ASIC2: variants seen among roughly 807,000 people sequenced by gnomAD.
ASIC2 encodes acid sensing ion channel subunit 2.
Under a neutral mutation model 57.3 loss-of-function variants are expected in ASIC2, and 25 were observed. The ratio of observed to expected loss-of-function variants is 0.44; its 90% confidence interval spans 0.32 to 0.61. The LOEUF is 0.61. ASIC2 is among the 20% of genes least tolerant of loss of function. ASIC2 has a pLI of 0.06. For missense variants in ASIC2, 641 were observed against 738.1 expected, an observed-to-expected ratio of 0.87 and a Z score of 1.52; for synonymous variants, 319 against 307.5, an observed-to-expected ratio of 1.04 and a Z score of -0.39.
chr17:34,087,946 T>G (rs1386461458), intron 1 of ASIC2, among the ~76,000 whole-genome samples: 1 of 152,136 alleles, frequency 6.6e-6, no homozygotes, highest in Non-Finnish European at 1.5e-5. Context: ...TTCTTCTAAA[T>G]TTTTTTCAAA....
chr17:33,903,703 C>T (rs969416674), intron 1 of ASIC2, among the ~76,000 whole-genome samples: 12 of 152,142 alleles, frequency 7.9e-5, no homozygotes, highest in South Asian at 4.1e-4. Context: ...AATTAAACAA[C>T]CAGGGGTTTG....
At chr17:33,396,626 A>G (rs1567847658) in intron 1 of ASIC2, among the ~76,000 whole-genome samples, 1 of 152,152 alleles carries the variant, frequency 6.6e-6, no homozygotes. Context: ...GTGGCCCCCA[A>G]ATAATTTATA....
chr17:33,693,190 T>C (rs563888364), intron 1 of ASIC2, among the ~76,000 whole-genome samples: 7 of 152,358 alleles, frequency 4.6e-5, no homozygotes, highest in Admixed American at 2.0e-4. Context: ...TAATATCCAG[T>C]AACATATCTT....
intron 1 of ASIC2, among the ~76,000 whole-genome samples, chr17:33,946,736 T>G (rs550112973): frequency 6.6e-6 from 1 of 152,280 alleles, no homozygotes; most frequent in Non-Finnish European, 1.5e-5. Context: ...AAACAGGCAG[T>G]TCCATGTGGG....
intron 1 of ASIC2, among the ~76,000 whole-genome samples, chr17:33,357,406 C>A (rs558818116): frequency 6.6e-6 from 1 of 152,180 alleles, no homozygotes; most frequent in Non-Finnish European, 1.5e-5. Context: ...GCCATTGCAA[C>A]AACTGGCCAG....
At chr17:33,685,382 G>C (rs1908153362) in intron 1 of ASIC2, among the ~76,000 whole-genome samples, 1 of 152,144 alleles carries the variant, frequency 6.6e-6, no homozygotes. Flanking sequence ...TCAACAGCCA[G>C]AAGGCTTCTG....
At chr17:33,680,408 A>G (rs1227574136) in intron 1 of ASIC2, among the ~76,000 whole-genome samples, 1 of 152,108 alleles carries the variant, frequency 6.6e-6, no homozygotes, top group Non-Finnish European at 1.5e-5. Context: ...TAGACTACGC[A>G]GGCTTTCAGA....
chr17:34,014,540 C>T (rs185235339), intron 1 of ASIC2, among the ~76,000 whole-genome samples: 24 of 152,328 alleles, frequency 1.6e-4, no homozygotes, highest in Admixed American at 1.6e-3. Flanking sequence ...CTTTGGGTAG[C>T]TTCCAGGCCC....
intron 1 of ASIC2, among the ~76,000 whole-genome samples, chr17:33,524,778 G>T (rs1173476546): frequency 6.6e-6 from 1 of 152,074 alleles, no homozygotes; most frequent in Non-Finnish European, 1.5e-5. Context: ...TCATTATGTT[G>T]CCCAGACTGG....
chr17:33,951,236 C>T (rs1426310950), intron 1 of ASIC2, among the ~76,000 whole-genome samples: 1 of 152,150 alleles, frequency 6.6e-6, no homozygotes, highest in Admixed American at 6.5e-5. Context: ...TAACTCCTTC[C>T]ACCTTCACAG....
chr17:33,238,377 G>A (rs958550439), intron 1 of ASIC2, among the ~76,000 whole-genome samples: 5 of 152,238 alleles, frequency 3.3e-5, no homozygotes, highest in African/African-American at 9.6e-5. Context: ...TTTGGCTGCA[G>A]GGAGCTGCTT....
chr17:33,079,826 C>G (rs1187888494), intron 3 of ASIC2, among the ~76,000 whole-genome samples: 1 of 152,122 alleles, frequency 6.6e-6, no homozygotes, highest in South Asian at 2.1e-4. Flanking sequence ...TAGGAACCAG[C>G]ATTATCCCCA....
intron 1 of ASIC2, among the ~76,000 whole-genome samples, chr17:33,622,685 T>G (rs1004128034): frequency 4.6e-5 from 7 of 152,220 alleles, no homozygotes; most frequent in Non-Finnish European, 7.3e-5. Flanking sequence ...AGGATAGTTC[T>G]AAGAATTAAA....
intron 1 of ASIC2, among the ~76,000 whole-genome samples, chr17:33,388,957 C>CTTGT (rs1038837196): frequency 3.3e-5 from 5 of 152,100 alleles, no homozygotes; most frequent in Non-Finnish European, 2.9e-5. Flanking sequence ...TACTCCCACT[C>CTTGT]TTGTTTGTTT....
intron 1 of ASIC2, among the ~76,000 whole-genome samples, chr17:33,370,678 G>A (rs1421371422): frequency 6.6e-6 from 1 of 152,228 alleles, no homozygotes; most frequent in African/African-American, 2.4e-5. Flanking sequence ...ATCATCTCCA[G>A]AAACTAGTTG....
At chr17:34,106,225 T>C (rs1911047864) in intron 1 of ASIC2, among the ~76,000 whole-genome samples, 1 of 152,194 alleles carries the variant, frequency 6.6e-6, no homozygotes, top group Non-Finnish European at 1.5e-5. Flanking sequence ...AATGTCCATC[T>C]TCCCTCATTG....
In ASIC2 at chr17:33,466,605, G is replaced by T. The variant is rs559897800; in HGVS notation, c.556-354538C>A. On this transcript the variant is annotated intron_variant, in intron 1 of 9. Coordinates refer to the ASIC2 transcript ENST00000359872. ...ACCTGACTTGAAACTATACTACAAG[G>T]CTACAGTAACCAAAACAGCATGGTA... 4.6e-5 allele frequency among the ~76,000 whole-genome samples: 7 copies of T among 152,192 alleles called. No homozygotes were observed. In the South Asian group the frequency reaches 1.5e-3, roughly 32 times the overall value.
chr17:33,815,713 C>T (rs141405736), intron 1 of ASIC2, among the ~76,000 whole-genome samples: 6 of 152,226 alleles, frequency 3.9e-5, no homozygotes, highest in African/African-American at 1.4e-4. Flanking sequence ...ATTGATTTGT[C>T]TTTGTTTACT....
intron 1 of ASIC2, among the ~76,000 whole-genome samples, chr17:33,980,499 CAGGGGAA>C (rs1905573550): frequency 6.6e-6 from 1 of 152,138 alleles, no homozygotes; most frequent in South Asian, 2.1e-4. Context: ...GATGGGATGG[CAGGGGAA>C]AGGATGAGAA....
Sources: gnomAD v4.1 joint callset for allele counts (sites outside exome capture counted in the v4.1 genomes callset) on GRCh38, gnomAD v4.1.1 for gene constraint, MANE v1.5 for transcripts, NCBI Gene and HGNC (gene_info 2026-07-23, HGNC 2026-07-21) for gene names.